TG: variants seen among roughly 807,000 people sequenced by gnomAD.
TG encodes thyroglobulin.
TG carries 270 observed loss-of-function variants against 324.7 expected under a neutral mutation model. That is an observed-to-expected ratio of 0.83 (90% CI 0.75 to 0.92). The LOEUF is 0.92. Among genes scored for constraint, TG ranks in the 40% least tolerant of loss-of-function variants. The probability of loss-of-function intolerance (pLI) is 0.00; values close to 1 mark genes in which losing one functional copy is unlikely to be tolerated. For missense variants in TG, 3,591 were observed against 3,456.4 expected (o/e 1.04, Z -0.98); for synonymous variants, 1,401 against 1,327.0 (o/e 1.06, Z -1.21).
At chr8:133,107,982 C>CTTTTCCTTT (rs1554725841) in intron 43 of TG, among the ~76,000 whole-genome samples, 1 of 134,122 alleles carries the variant, frequency 7.5e-6, no homozygotes, top group African/African-American at 2.8e-5. Flanking sequence ...TTCTTTTCTT[C>CTTTTCCTTT]TTTTTTTTTT....
intron 35 of TG, among the ~76,000 whole-genome samples, chr8:133,000,889 A>G (rs1833414632): frequency 6.6e-6 from 1 of 152,136 alleles, no homozygotes; most frequent in Non-Finnish European, 1.5e-5. Context: ...AGCTTCAACA[A>G]CAGACATCAT....
intron 45 of TG, among the ~76,000 whole-genome samples, chr8:133,128,339 A>ACG (rs1564219145): frequency 5.7e-5 from 3 of 52,604 alleles, no homozygotes; most frequent in African/African-American, 2.5e-4. Context: ...AAAGGCGTGC[A>ACG]CACACACACA....
At chr8:133,045,639 C>T (rs188947410) in intron 41 of TG, among the ~76,000 whole-genome samples, 59 of 152,212 alleles carry the variant, frequency 3.9e-4, no homozygotes, top group South Asian at 1.5e-3. Context: ...AAGTGATCCG[C>T]CCACCTCGGC....
intron 5 of TG, among the ~76,000 whole-genome samples, chr8:132,877,754 T>C (rs1398978476): frequency 6.6e-6 from 1 of 152,232 alleles, no homozygotes; most frequent in Admixed American, 6.5e-5. Context: ...ATGGCCACCC[T>C]GAGATTTTGC....
chr8:132,929,258 C>T (rs778175760), intron 23 of TG, 66 bp downstream of exon 23: 52 of 1,200,668 alleles, frequency 4.3e-5, no homozygotes, highest in African/African-American at 9.0e-5. Flanking sequence ...TGAGAGTTGT[C>T]GAGACAAACC....
chr8:132,935,582 T>C (rs1823461376), intron 24 of TG, among the ~76,000 whole-genome samples, 174 bp from the exon 25 acceptor site: 1 of 152,222 alleles, frequency 6.6e-6, no homozygotes, highest in African/African-American at 2.4e-5. Context: ...TCTTTGCAGC[T>C]AACACTCCTG....
chr8:133,045,221 G>C, intron 41 of TG: 1 of 1,154,076 alleles, frequency 8.7e-7, no homozygotes, highest in Admixed American at 2.0e-5. Context: ...CCCACCCTTG[G>C]GATACAACAG....
rs34323965 is a variant in TG, at chr8:132,939,659, TG to T, written c.5042-1688del. ...GTTCAGCCCTTTTATATATAGTCTA[TG>T]GGGTTTTTTTTTTTTGTTTGTTTGT... is the stretch of plus-strand genomic sequence containing the variant. On this transcript the variant is annotated intron_variant, in intron 25 of 47. Coordinates refer to ENST00000220616, the MANE Select transcript of TG (RefSeq NM_003235.5). Among the ~76,000 whole-genome samples, 440 of 138,504 alleles carry T rather than the reference TG, an allele frequency of 3.2e-3. 4 individuals are homozygous for T. Among genetic ancestry groups the T allele is most frequent in the African/African-American group, 0.01 (383 of 37,966 alleles). The allele number at this position is 138,504 out of a possible 152,430, so 90.9% of individuals were successfully genotyped here. A position where few individuals can be genotyped will look rare whatever the true frequency, so the allele number is the denominator to read the frequency against.
At chr8:132,997,437 C>A (rs947909626) in intron 35 of TG, among the ~76,000 whole-genome samples, 1 of 152,022 alleles carries the variant, frequency 6.6e-6, no homozygotes, top group Non-Finnish European at 1.5e-5. Context: ...TATTTGAAGT[C>A]GTAGGGATAT....
At chr8:132,873,852 G>T (rs1839721745) in intron 5 of TG, among the ~76,000 whole-genome samples, 1 of 152,104 alleles carries the variant, frequency 6.6e-6, no homozygotes, top group Non-Finnish European at 1.5e-5. Context: ...GCTGCTTTAG[G>T]GCCAGGGCTG....
Position 133,037,059 on chromosome 8 carries a change from G to A in TG, c.7239+7036G>A, listed in dbSNP as rs1049905765. 3 of 152,196 alleles carry A rather than the reference G, an allele frequency of 2.0e-5. No homozygotes were observed. The South Asian group carries it at 6.2e-4, about 31-fold the overall frequency. The allele number at this position is 152,196 out of a possible 1,614,324, so 9.4% of individuals were successfully genotyped here. A position where few individuals can be genotyped will look rare whatever the true frequency, so the allele number is the denominator to read the frequency against. On this transcript the variant is annotated intron_variant, in intron 41 of 47. Transcript: ENST00000220616. ...TAGAATCTATGATACAGAAAACTGT[G>A]TAACTGCACATACACATACCAGTAG...
intron 37 of TG, among the ~76,000 whole-genome samples, chr8:133,016,761 T>C (rs1835060884): frequency 6.6e-6 from 1 of 152,230 alleles, no homozygotes; most frequent in Non-Finnish European, 1.5e-5. Flanking sequence ...CAGACAGGCC[T>C]GTCTTAAGTT....
At position 132,970,053 on chromosome 8, in the gene TG, A is replaced by T. The variant is rs144534339; in HGVS notation, c.5975+484A>T. 2.9e-3 allele frequency among the ~76,000 whole-genome samples: 445 copies of T among 152,068 alleles called. 3 individuals carry two copies. Among genetic ancestry groups the T allele is most frequent in the South Asian group, 0.018 (85 of 4,814 alleles). On this transcript the variant is annotated intron_variant, in intron 32 of 47. Transcript: ENST00000220616. ...TAAACACAACATTTAGCCTTGAACTACTCGCTGGATGATGAAAGAGCCACC... is the reference window on the plus strand; with the variant it reads ...TAAACACAACATTTAGCCTTGAACTTCTCGCTGGATGATGAAAGAGCCACC...
intron 34 of TG, among the ~76,000 whole-genome samples, chr8:132,976,622 G>A (rs377289048): frequency 2.0e-5 from 3 of 152,076 alleles, no homozygotes; most frequent in African/African-American, 7.2e-5. Context: ...GGGTGCCTGG[G>A]GAGAGAAAGA....
intron 41 of TG, among the ~76,000 whole-genome samples, chr8:133,067,882 G>GAAAGAGAGA: frequency 4.8e-5 from 1 of 21,048 alleles, no homozygotes; most frequent in African/African-American, 1.8e-4. Context: ...AAGGAAGGAA[G>GAAAGAGAGA]GAAGTATGTA....
chr8:133,069,364 A>G lies in TG; in HGVS notation c.7240-25680A>G, dbSNP rs1843598850. Among the ~76,000 whole-genome samples the G allele has an allele frequency of 2.0e-5, 3 of 152,332 alleles. No individual in the cohort carries two copies. The South Asian group carries it at 6.2e-4, about 32-fold the overall frequency. On this transcript the variant is annotated intron_variant, in intron 41 of 47. Transcript: ENST00000220616. The stretch of plus-strand genomic sequence containing the variant: ...GTGACCTGATCTGGGATCTCCCCTC[A>G]CTGTCAGTCACTTGTCCAGGGACAT...
intron 21 of TG, 133 bp from the exon 22 acceptor site, chr8:132,923,205 A>T: frequency 9.8e-7 from 1 of 1,024,978 alleles, no homozygotes; most frequent in Non-Finnish European, 1.5e-6. Context: ...GGGAACACTG[A>T]AGAGTTTTAA....
chr8:133,064,712 TTC>T (rs1379241201), intron 41 of TG, among the ~76,000 whole-genome samples: 8 of 152,206 alleles, frequency 5.3e-5, no homozygotes, highest in African/African-American at 1.9e-4. Context: ...CTTAATAGGT[TTC>T]TGTTTCGCAG....
In TG at chr8:133,018,544, A is replaced by G. The variant is rs545187560; in HGVS notation, c.6782+547A>G. On this transcript the variant is annotated intron_variant, in intron 38 of 47. Coordinates refer to ENST00000220616, the MANE Select transcript of TG (RefSeq NM_003235.5). ...AAAATTACAAGTTTTTTTTTTTTTTAGGGCACCCATATCCTATCTTCTTTC... is the reference window on the plus strand; with the variant it reads ...AAAATTACAAGTTTTTTTTTTTTTTGGGGCACCCATATCCTATCTTCTTTC... 1.0e-3 allele frequency among the ~76,000 whole-genome samples: 153 copies of G among 147,048 alleles called. 1 individual carries two copies. Among genetic ancestry groups the G allele is most frequent in the African/African-American group, 3.7e-3 (145 of 39,556 alleles).
Sources: allele counts gnomAD v4.1 joint callset (sites outside exome capture counted in the v4.1 genomes callset), GRCh38; gene constraint gnomAD v4.1.1; transcripts MANE v1.5; gene names NCBI Gene and HGNC (gene_info 2026-07-23, HGNC 2026-07-21).